PTPRA: variants seen among roughly 807,000 people sequenced by gnomAD.
PTPRA encodes the protein receptor-type tyrosine-protein phosphatase alpha.
PTPRA carries 25 observed loss-of-function variants against 104.8 expected under a neutral mutation model. The observed-to-expected ratio is 0.24, with a 90% confidence interval of 0.17 to 0.33. The LOEUF is 0.33. Among genes scored for constraint, PTPRA ranks in the 10% least tolerant of loss-of-function variants. PTPRA has a pLI of 1.00. For missense variants in PTPRA, 765 were observed against 1,015.3 expected (o/e 0.75, Z 3.35); for synonymous variants, 323 against 368.9 (o/e 0.88, Z 1.43).
intron 11 of PTPRA, among the ~76,000 whole-genome samples, chr20:3,012,582 A>C (rs1233852071): frequency 1.3e-5 from 2 of 152,244 alleles, no homozygotes; most frequent in African/African-American, 4.8e-5. Context: ...AGACCAAGAG[A>C]AGAGAGCATC....
the PTPRA span, chr20:2,866,187 C>T: frequency 1.2e-6 from 2 of 1,610,470 alleles, no homozygotes; most frequent in Admixed American, 3.3e-5. Context: ...TACCTTCTCC[C>T]TCCACCCGCT....
At chr20:2,911,603 AG>A (rs2059724661) in intron 1 of PTPRA, among the ~76,000 whole-genome samples, 1 of 152,356 alleles carries the variant, frequency 6.6e-6, no homozygotes, top group African/African-American at 2.4e-5. Context: ...GCCCTGAAAT[AG>A]TCTGATCTGA....
At chr20:2,989,535 A>G (rs768769110) in intron 9 of PTPRA, among the ~76,000 whole-genome samples, 3 of 152,196 alleles carry the variant, frequency 2.0e-5, no homozygotes, top group Non-Finnish European at 2.9e-5. Flanking sequence ...GCCACTGGAA[A>G]TAGCAGGAGA....
intron 1 of PTPRA, among the ~76,000 whole-genome samples, chr20:2,886,651 C>T (rs1408425281): frequency 6.6e-6 from 1 of 150,790 alleles, no homozygotes; most frequent in East Asian, 2.0e-4. Flanking sequence ...TCGAGACCAG[C>T]CTGACCAACA....
At chr20:3,020,826 C>T (rs2064830239) in intron 13 of PTPRA, among the ~76,000 whole-genome samples, 1 of 152,198 alleles carries the variant, frequency 6.6e-6, no homozygotes, top group African/African-American at 2.4e-5. Context: ...CCAACCAAAC[C>T]TCTTGCTCTT....
At chr20:3,034,318 A>C (rs890753912) in intron 20 of PTPRA, among the ~76,000 whole-genome samples, 1 of 152,146 alleles carries the variant, frequency 6.6e-6, no homozygotes, top group Non-Finnish European at 1.5e-5. Context: ...TAGTCCCTAG[A>C]CTTGATATGT....
chr20:2,910,610 A>ATTTTTTT (rs1352753968), intron 1 of PTPRA, among the ~76,000 whole-genome samples: 15 of 45,372 alleles, frequency 3.3e-4, no homozygotes, highest in East Asian at 6.9e-4. Flanking sequence ...GTTTTTTTTA[A>ATTTTTTT]TTTTTTTTTT....
intron 3 of PTPRA, among the ~76,000 whole-genome samples, chr20:2,957,290 A>AT (rs2061571752): frequency 6.6e-6 from 1 of 152,192 alleles, no homozygotes; most frequent in Admixed American, 6.5e-5. Flanking sequence ...GTCTCAAATA[A>AT]TAAAAAAAAA....
At chr20:3,015,974 C>A in intron 12 of PTPRA, 89 bp downstream of exon 12, 1 of 1,269,946 alleles carries the variant, frequency 7.9e-7, no homozygotes, top group Non-Finnish European at 1.1e-6. Context: ...AGTGGATTAA[C>A]CAGAATGCTG....
chr20:3,006,659 GCT>G (rs1435091812), intron 10 of PTPRA, among the ~76,000 whole-genome samples: 3 of 151,708 alleles, frequency 2.0e-5, no homozygotes, highest in African/African-American at 7.3e-5. Flanking sequence ...TTTCTTTCTC[GCT>G]CTGTCACCCA....
At position 2,892,289 on chromosome 20, in the gene PTPRA, C is replaced by CA. The variant is rs34741114; in HGVS notation, c.-129+18550dup. Among the ~76,000 whole-genome samples the CA allele has an allele frequency of 5.9e-3, 475 of 80,136 alleles. 3 individuals are homozygous for CA. Among genetic ancestry groups the CA allele is most frequent in the East Asian group, 0.011 (32 of 3,030 alleles). The allele number at this position is 80,136 out of a possible 152,430, so 52.6% of individuals were successfully genotyped here. A position where few individuals can be genotyped will look rare whatever the true frequency, so the allele number is the denominator to read the frequency against. On this transcript the variant is annotated intron_variant, in intron 1 of 23. Coordinates refer to ENST00000399903, the MANE Select transcript of PTPRA (RefSeq NM_001385305.1). ...TGGGCAACAGAATGAGACTCTGTCT[C>CA]AAAAAAAAAAAAAAAAAAAAAGAAG...
At chr20:3,023,306 G>A (rs182877869) in intron 16 of PTPRA, among the ~76,000 whole-genome samples, 227 of 152,364 alleles carry the variant, frequency 1.5e-3, no homozygotes, top group Middle Eastern at 6.8e-3. Flanking sequence ...GAGATAGCCT[G>A]AGATATGCCC....
chr20:2,895,379 C>T (rs979977449), intron 1 of PTPRA, among the ~76,000 whole-genome samples: 2 of 151,610 alleles, frequency 1.3e-5, no homozygotes, highest in South Asian at 4.1e-4. Context: ...CCACCACACC[C>T]AGCCTACTAC....
intron 1 of PTPRA, among the ~76,000 whole-genome samples, chr20:2,896,905 T>C (rs985907765): frequency 1.3e-5 from 2 of 152,254 alleles, no homozygotes; most frequent in Non-Finnish European, 2.9e-5. Flanking sequence ...AGAATAGTTC[T>C]CAGTCTTTCC....
At chr20:2,972,811 G>T (rs1219466361) in intron 5 of PTPRA, among the ~76,000 whole-genome samples, 2 of 151,798 alleles carry the variant, frequency 1.3e-5, no homozygotes, top group African/African-American at 4.8e-5. Context: ...TGCACCTCCT[G>T]GGCTCAGGTG....
chr20:3,024,369 C>T, intron 16 of PTPRA, 103 bp from the exon 17 acceptor site: 1 of 1,218,606 alleles, frequency 8.2e-7, no homozygotes, highest in Non-Finnish European at 1.2e-6. Context: ...CTGCTAGGAT[C>T]AAAGGAGAAA....
intron 20 of PTPRA, among the ~76,000 whole-genome samples, chr20:3,029,787 C>T (rs1030299064): frequency 1.3e-5 from 2 of 152,062 alleles, no homozygotes; most frequent in Non-Finnish European, 2.9e-5. Context: ...CTCAGCCTCC[C>T]AAAGTGCTGG....
At chr20:2,866,050 T>A in the PTPRA span, 2 of 663,956 alleles carry the variant, frequency 3.0e-6, no homozygotes, top group Non-Finnish European at 5.3e-6. Flanking sequence ...AATGTTGAGA[T>A]CACAACTGTC....
At chr20:2,982,555 C>T (rs2062727801) in intron 6 of PTPRA, among the ~76,000 whole-genome samples, 1 of 152,034 alleles carries the variant, frequency 6.6e-6, no homozygotes, top group African/African-American at 2.4e-5. Flanking sequence ...ACATGTAATC[C>T]TTGCTCTTGT....
Sources: allele counts gnomAD v4.1 joint callset (sites outside exome capture counted in the v4.1 genomes callset), GRCh38; gene constraint gnomAD v4.1.1; transcripts MANE v1.5; gene names NCBI Gene and HGNC (gene_info 2026-07-23, HGNC 2026-07-21).